Variants in VAV2 observed in about 807,000 individuals in gnomAD.
The protein encoded by VAV2 is guanine nucleotide exchange factor VAV2.
In VAV2, 67 loss-of-function variants were observed where a neutral mutation model predicts 132.5. The observed-to-expected ratio is 0.51, with a 90% CI of 0.42 to 0.62. The LOEUF is 0.62. Ranked by LOEUF, VAV2 falls within the 20% of genes least tolerant of loss-of-function variation. The pLI, the probability that VAV2 is intolerant of heterozygous loss-of-function variation, is 0.00. For synonymous variants in VAV2, 492 were observed against 443.5 expected (o/e 1.11, Z -1.37); for missense variants, 938 against 1,153.6 (o/e 0.81, Z 2.71).
intron 3 of VAV2, among the ~76,000 whole-genome samples, chr9:133,843,915 C>T (rs565444138): frequency 4.6e-5 from 7 of 151,284 alleles, no homozygotes; most frequent in Non-Finnish European, 1.0e-4. Context: ...TGCCATAGCC[C>T]CGGCAGTGAC....
At chr9:133,835,714 G>A (rs548506111) in intron 3 of VAV2, among the ~76,000 whole-genome samples, 3 of 152,284 alleles carry the variant, frequency 2.0e-5, no homozygotes, top group South Asian at 2.1e-4. Flanking sequence ...AGGGACGCGC[G>A]GTCCGTCCCG....
rs985592711 is a variant in VAV2 at position 133,779,591 on chromosome 9, C to T, written c.1762+327G>A. ...AGCAAGGCAGGAAGGGGATGGAGAA[C>T]GTGGTGGGAGAACAGCAGCGCCTTT... On this transcript the variant is annotated intron_variant, in intron 21 of 29. Transcript: ENST00000371850. 4.6e-5 allele frequency among the ~76,000 whole-genome samples: 7 copies of T among 152,340 alleles called. No homozygotes were observed. In the South Asian group the frequency reaches 1.0e-3, roughly 23 times the overall value.
At chr9:133,893,872 G>A (rs987379796) in intron 2 of VAV2, among the ~76,000 whole-genome samples, 10 of 152,184 alleles carry the variant, frequency 6.6e-5, no homozygotes, top group Non-Finnish European at 1.5e-4. Flanking sequence ...GGGCGCCCAC[G>A]TGTACCACAC....
intron 2 of VAV2, among the ~76,000 whole-genome samples, chr9:133,897,936 C>A (rs923253591): frequency 6.6e-6 from 1 of 152,106 alleles, no homozygotes; most frequent in Non-Finnish European, 1.5e-5. Context: ...CAGCACCCAC[C>A]AACTTCAGAA....
intron 2 of VAV2, among the ~76,000 whole-genome samples, chr9:133,869,933 C>A (rs1837961270): frequency 6.6e-6 from 1 of 152,226 alleles, no homozygotes; most frequent in South Asian, 2.1e-4. Flanking sequence ...AAATCTACAG[C>A]TACTATTGCT....
chr9:133,908,119 C>T (rs987856645), intron 2 of VAV2, among the ~76,000 whole-genome samples: 1 of 151,184 alleles, frequency 6.6e-6, no homozygotes, highest in Non-Finnish European at 1.5e-5. Context: ...CCCCTCCCAC[C>T]AAGCCCCCCT....
chr9:133,826,352 C>T lies in VAV2; in HGVS notation c.449+7920G>A, dbSNP rs1835987226. The stretch of plus-strand genomic sequence containing the variant: ...GCCCAGAGCCCTGGCCCCAGAATCT[C>T]CCTCCCCGCTCGCACTCAGGGGCAG... On this transcript the variant is annotated intron_variant, in intron 4 of 29. Transcript: ENST00000371850. The surrounding 1 kb of genome is among the most constrained non-coding windows in gnomAD (Gnocchi z 4.2). Among the ~76,000 whole-genome samples, 1 of 152,232 alleles carries T rather than the reference C, an allele frequency of 6.6e-6. No homozygotes were observed. The highest frequency in any genetic ancestry group is 1.5e-5 in the Non-Finnish European group (1 of 68,036).
chr9:133,806,573 C>T (rs1490894247), intron 8 of VAV2, among the ~76,000 whole-genome samples: 1 of 149,818 alleles, frequency 6.7e-6, no homozygotes, highest in Non-Finnish European at 1.5e-5. Flanking sequence ...TCTGTCTGTG[C>T]TCCTCCATCC....
chr9:133,937,147 C>G (rs2132127843), intron 2 of VAV2, among the ~76,000 whole-genome samples: 1 of 152,300 alleles, frequency 6.6e-6, no homozygotes, highest in East Asian at 1.9e-4. Context: ...TTTCTCTTTA[C>G]AGTTATCATA....
In VAV2 at chr9:133,985,279, G is replaced by A. The variant is rs941861370; in HGVS notation, c.204+6796C>T. ...GTGTGTGTGTGTGTGTGTGTGTTTTGTTTTTGTTTTTGTTTTTTCTGAGAT... is the reference window on the plus strand; with the variant it reads ...GTGTGTGTGTGTGTGTGTGTGTTTTATTTTTGTTTTTGTTTTTTCTGAGAT... On this transcript the variant is annotated intron_variant, in intron 1 of 29. Transcript: ENST00000371850. Among the ~76,000 whole-genome samples the A allele has an allele frequency of 4.8e-5, 7 of 146,686 alleles. No individual in the cohort carries two copies. In the East Asian group the frequency reaches 1.4e-3, roughly 30 times the overall value.
rs1445541428 is a variant in VAV2, at chr9:133,918,899, C to A, written c.321+20204G>T. 6.6e-6 allele frequency among the ~76,000 whole-genome samples: 1 copy of A among 152,078 alleles called. No homozygotes were observed. The highest frequency in any genetic ancestry group is 1.9e-4 in the East Asian group (1 of 5,180). Reference sequence around the variant, plus strand: ...CAAGCGATTCCCCTACCTCAGCCTCCCAAGTAGCTGGGATTACAGGCGTGC... The same window carrying A: ...CAAGCGATTCCCCTACCTCAGCCTCACAAGTAGCTGGGATTACAGGCGTGC... On this transcript the variant is annotated intron_variant, in intron 2 of 29. Coordinates refer to ENST00000371850, the MANE Select transcript of VAV2 (RefSeq NM_001134398.2). This position sits in a 1 kb window ranked among gnomAD's most constrained non-coding sequence, Gnocchi z 4.7.
At position 133,763,726 on chromosome 9, in the gene VAV2, T is replaced by C; in HGVS notation, c.*336A>G. Reference sequence around the variant, plus strand: ...TTCAAACCTAGGCTCCTGAAGGCCATCTCAGTTGGACAGGGGCAGGCGATG... The same window carrying C: ...TTCAAACCTAGGCTCCTGAAGGCCACCTCAGTTGGACAGGGGCAGGCGATG... On this transcript the variant is annotated 3_prime_UTR_variant, in exon 30 of 30. Transcript: ENST00000371850. The surrounding 1 kb of genome is among the most constrained non-coding windows in gnomAD (Gnocchi z 6.8). The C allele has an allele frequency of 2.9e-6, 1 of 340,810 alleles. No individual in the cohort carries two copies. Among genetic ancestry groups the C allele is most frequent in the Middle Eastern group, 9.0e-4 (1 of 1,112 alleles). The allele number at this position is 340,810 out of a possible 1,614,324, so 21.1% of individuals were successfully genotyped here. A position where few individuals can be genotyped will look rare whatever the true frequency, so the allele number is the denominator to read the frequency against.
rs1270102919 is a variant in VAV2 at position 133,969,398 on chromosome 9, G to T, written c.204+22677C>A. On this transcript the variant is annotated intron_variant, in intron 1 of 29. Transcript: ENST00000371850. The surrounding 1 kb of genome is among the most constrained non-coding windows in gnomAD (Gnocchi z 5.1). The stretch of plus-strand genomic sequence containing the variant: ...AGGCTGCTAAGTTTGGTCACTCCCA[G>T]GCTGGGGCCAGACCCACCAAGACCA... Among the ~76,000 whole-genome samples, 1 of 152,116 alleles carries T rather than the reference G, an allele frequency of 6.6e-6. No individual in the cohort carries two copies. Among genetic ancestry groups the T allele is most frequent in the Non-Finnish European group, 1.5e-5 (1 of 68,008 alleles).
At chr9:133,859,932 G>A (rs1008555497) in intron 3 of VAV2, among the ~76,000 whole-genome samples, 4 of 152,152 alleles carry the variant, frequency 2.6e-5, no homozygotes, top group Non-Finnish European at 4.4e-5. Flanking sequence ...GCTGGGCACC[G>A]GGGTTTTGAC....
chr9:133,931,890 G>T (rs60689668), intron 2 of VAV2, among the ~76,000 whole-genome samples: 3,586 of 152,316 alleles, frequency 0.024, 126 homozygotes, highest in African/African-American at 0.08. Context: ...TCACAGCCAT[G>T]TTACCGTGCA....
intron 2 of VAV2, among the ~76,000 whole-genome samples, chr9:133,915,055 C>T (rs1193840416): frequency 3.3e-5 from 5 of 152,128 alleles, no homozygotes; most frequent in Non-Finnish European, 5.9e-5. Flanking sequence ...CTTGAAAACA[C>T]CAAGGAGTGC....
chr9:133,888,321 A>G (rs1838795614), intron 2 of VAV2, among the ~76,000 whole-genome samples: 1 of 152,168 alleles, frequency 6.6e-6, no homozygotes, highest in Admixed American at 6.5e-5. Context: ...AGAGCCACCG[A>G]CCTGTGCCCT....
At chr9:133,873,211 T>C (rs1313555383) in intron 2 of VAV2, among the ~76,000 whole-genome samples, 1 of 152,086 alleles carries the variant, frequency 6.6e-6, no homozygotes, top group East Asian at 1.9e-4. Context: ...TGAGGGAAGC[T>C]GCAATTTAAT....
intron 5 of VAV2, among the ~76,000 whole-genome samples, chr9:133,811,596 C>T (rs1835360575): frequency 6.6e-6 from 1 of 152,214 alleles, no homozygotes; most frequent in Non-Finnish European, 1.5e-5. Context: ...AACTGGCGTC[C>T]GAGAGATTAT....
Sources: allele counts gnomAD v4.1 joint callset (sites outside exome capture counted in the v4.1 genomes callset), GRCh38; gene constraint gnomAD v4.1.1; non-coding constraint Gnocchi (gnomAD v3.1); transcripts MANE v1.5; gene names NCBI Gene and HGNC (gene_info 2026-07-23, HGNC 2026-07-21).